The following EXTL1 variants were observed in gnomAD, a reference collection of about 807,000 sequenced individuals.
EXTL1 encodes exostosin-like 1.
EXTL1 carries 43 observed loss-of-function variants against 64.6 expected under a neutral mutation model. That is an observed-to-expected ratio of 0.67 (90% CI 0.52 to 0.86). The LOEUF (loss-of-function observed/expected upper bound fraction) is 0.86. EXTL1 is among the 40% of genes least tolerant of loss of function. The pLI is 0.00. For synonymous variants in EXTL1, 352 were observed against 360.5 expected, an observed-to-expected ratio of 0.98 and a Z score of 0.27; for missense variants, 766 against 879.0, an observed-to-expected ratio of 0.87 and a Z score of 1.62.
Position 26,033,945 on chromosome 1 carries a change from CCA to C in EXTL1, c.1679+90_1679+91del. ...CGAACGGAGCAGAGTGGCCTAGACC[CCA>C]GGGATCCAGGTTCAAGGCCGAGATC... On this transcript the variant is annotated intron_variant, in intron 9 of 10. Coordinates refer to ENST00000374280, the MANE Select transcript of EXTL1 (RefSeq NM_004455.3). This position sits in a 1 kb window ranked among gnomAD's most constrained non-coding sequence, Gnocchi z 5.1. 3 of 1,188,758 alleles carry C rather than the reference CCA, an allele frequency of 2.5e-6. No individual in the cohort carries two copies. Among genetic ancestry groups the C allele is most frequent in the Admixed American group, 3.4e-5 (1 of 29,742 alleles). 73.6% of individuals were successfully genotyped at this position (1,188,758 alleles called of 1,614,324 possible).
Position 26,035,550 on chromosome 1 carries a change from C to G in EXTL1, c.*203C>G. The G allele has an allele frequency of 2.1e-6, 1 of 465,678 alleles. No individual in the cohort carries two copies. Among genetic ancestry groups the G allele is most frequent in the Admixed American group, 3.6e-5 (1 of 28,102 alleles). The allele number at this position is 465,678 out of a possible 1,614,324, so 28.8% of individuals were successfully genotyped here. A position where few individuals can be genotyped will look rare whatever the true frequency, so the allele number is the denominator to read the frequency against. ...CTCGCCCTCAGCCGCGGAGCCTCTG[C>G]GGAGGCTGAGCCCCGCGACCGGAGC... On this transcript the variant is annotated 3_prime_UTR_variant, in exon 11 of 11. Coordinates refer to ENST00000374280, the MANE Select transcript of EXTL1 (RefSeq NM_004455.3). This position sits in a 1 kb window ranked among gnomAD's most constrained non-coding sequence, Gnocchi z 5.3.
rs1395014527 is a variant in EXTL1, at chr1:26,029,425, C to T, written c.873+139C>T. On this transcript the variant is annotated intron_variant, in intron 2 of 10. Transcript: ENST00000374280. ...TCCTGGACTCAGGCATGCCTGTGTCCCCATTCACTGCACCCTCTGCAGAAC... is the reference window on the plus strand; with the variant it reads ...TCCTGGACTCAGGCATGCCTGTGTCTCCATTCACTGCACCCTCTGCAGAAC... 11 of 763,022 alleles carry T rather than the reference C, an allele frequency of 1.4e-5. No homozygotes were observed. In the African/African-American group the frequency reaches 1.9e-4, roughly 13 times the overall value. The allele number at this position is 763,022 out of a possible 1,614,324, so 47.3% of individuals were successfully genotyped here.
At chr1:26,023,873 G>A (rs1003665278) in intron 1 of EXTL1, among the ~76,000 whole-genome samples, 2 of 152,208 alleles carry the variant, frequency 1.3e-5, no homozygotes, top group African/African-American at 4.8e-5. Flanking sequence ...CAGCCGGAAA[G>A]AGCCAGTATT....
rs758986388 is a variant in EXTL1 at position 26,022,999 on chromosome 1, T to C, written c.353T>C (p.Ile118Thr). 2.6e-5 allele frequency: 42 copies of C among 1,614,032 alleles called. No individual in the cohort carries two copies. Among genetic ancestry groups the C allele is most frequent in the East Asian group, 6.7e-5 (3 of 44,878 alleles). The change falls in exon 1 of 11, where the codon ATT (isoleucine) becomes ACT (threonine). Residue 118 changes from isoleucine to threonine, a missense_variant. Physicochemically the swap from Ile to Thr is moderately conservative, Grantham distance 89. Coordinates refer to ENST00000374280, the MANE Select transcript of EXTL1 (RefSeq NM_004455.3). ...ACTCATCGCAGGATCCTGGCTTCCA[T>C]TGAGGGCTCTCGCTTCTACACATTC... Reference protein sequence around the residue: ...SETHRRILASIEGSRFYTFSP... With the variant: ...SETHRRILASTEGSRFYTFSP...
Position 26,029,202 on chromosome 1 carries a change from C to A in EXTL1, c.789C>A (p.Arg263=). Residue 263 remains arginine (R), a synonymous_variant, in exon 2 of 11, where the codon CGC becomes CGA. Coordinates refer to ENST00000374280, the MANE Select transcript of EXTL1 (RefSeq NM_004455.3). ...EQDPGPGQTQ[R]QETLPNATFC... ...CCATGTGCCTCTTTAGGACCCAGCGCCAGGAGACGCTGCCCAATGCCACCT... is the reference window on the plus strand; with the variant it reads ...CCATGTGCCTCTTTAGGACCCAGCGACAGGAGACGCTGCCCAATGCCACCT... 1.2e-6 allele frequency: 2 copies of A among 1,613,298 alleles called. No individual in the cohort carries two copies. Among genetic ancestry groups the A allele is most frequent in the East Asian group, 4.5e-5 (2 of 44,876 alleles).
In EXTL1 at chr1:26,033,368, GC is replaced by G; in HGVS notation, c.1518+56del. ...GTGTGGGTAGACACAGAGCCAGAGG[GC>G]CCTGGCAGCCCCTCAGGTTCCCAGG... is the stretch of plus-strand genomic sequence containing the variant. On this transcript the variant is annotated intron_variant, in intron 8 of 10. Transcript: ENST00000374280. The surrounding 1 kb of genome is among the most constrained non-coding windows in gnomAD (Gnocchi z 5.1). The G allele has an allele frequency of 6.8e-7, 1 of 1,478,366 alleles. No homozygotes were observed. 91.6% of individuals were successfully genotyped at this position (1,478,366 alleles called of 1,614,324 possible).
rs1279218550 is a variant in EXTL1 at position 26,035,160 on chromosome 1, C to G, written c.1849-5C>G. ...CCGTTAATGCATTGCTTCTTTCCCT[C>G]TTAGGCGCCTGGGGGCCCGGGGCCC... is the stretch of plus-strand genomic sequence containing the variant. On this transcript the variant is annotated splice_polypyrimidine_tract_variant and splice_region_variant and intron_variant, in intron 10 of 10. Coordinates refer to ENST00000374280, the MANE Select transcript of EXTL1 (RefSeq NM_004455.3). This position sits in a 1 kb window ranked among gnomAD's most constrained non-coding sequence, Gnocchi z 5.3. 1.2e-6 allele frequency: 2 copies of G among 1,600,080 alleles called. No homozygotes were observed. The highest frequency in any genetic ancestry group is 1.7e-6 in the Non-Finnish European group (2 of 1,172,116).
chr1:26,023,113 G>T lies in EXTL1; in HGVS notation c.467G>T (p.Gly156Val). Reference protein sequence around the residue: ...CSSMPLQWNRGRNHLVLRLHP... With the variant: ...CSSMPLQWNRVRNHLVLRLHP... ...TCAATGCCTCTGCAATGGAACAGGG[G>T]CAGGAACCATCTGGTCCTCCGTCTC... is the stretch of plus-strand genomic sequence containing the variant. Residue 156 changes from glycine to valine, a missense_variant, in exon 1 of 11, where the codon GGC (glycine) becomes GTC (valine). Physicochemically the swap from Gly to Val is moderately radical, Grantham distance 109. Around this residue, in one of 3 missense-constraint regions of EXTL1, gnomAD observed 571 missense variants for 647.6 expected, o/e 0.88. Coordinates refer to ENST00000374280, the MANE Select transcript of EXTL1 (RefSeq NM_004455.3). 1 of 1,613,936 alleles carries T rather than the reference G, an allele frequency of 6.2e-7. No individual in the cohort carries two copies. The highest frequency in any genetic ancestry group is 8.5e-7 in the Non-Finnish European group (1 of 1,179,984).
chr1:26,033,971 T>C lies in EXTL1; in HGVS notation c.1679+115T>C, dbSNP rs1304620136. ...CAGGGATCCAGGTTCAAGGCCGAGA[T>C]CTGCCACTTCCCAGCTGTGGGATCC... On this transcript the variant is annotated intron_variant, in intron 9 of 10. Transcript: ENST00000374280. The surrounding 1 kb of genome is among the most constrained non-coding windows in gnomAD (Gnocchi z 5.1). 7 of 859,596 alleles carry C rather than the reference T, an allele frequency of 8.1e-6. No homozygotes were observed. The highest frequency in any genetic ancestry group is 7.6e-5 in the Admixed American group (2 of 26,428). The allele number at this position is 859,596 out of a possible 1,614,324, so 53.2% of individuals were successfully genotyped here.
intron 1 of EXTL1, 30 bp downstream of exon 1, chr1:26,023,455 A>C (rs2050178975): frequency 1.4e-6 from 2 of 1,424,602 alleles, no homozygotes; most frequent in Non-Finnish European, 1.8e-6. Flanking sequence ...TGGGGGCTGG[A>C]TGGGAGGGGG....
At chr1:26,027,923 T>C (rs2050236852) in intron 1 of EXTL1, among the ~76,000 whole-genome samples, 2 of 152,036 alleles carry the variant, frequency 1.3e-5, no homozygotes, top group African/African-American at 4.8e-5. Flanking sequence ...GGAGAAGGGA[T>C]CTTAAAGGCA....
intron 1 of EXTL1, among the ~76,000 whole-genome samples, chr1:26,027,285 G>A (rs925668278): frequency 1.4e-4 from 21 of 152,310 alleles, no homozygotes; most frequent in Admixed American, 1.2e-3. Flanking sequence ...CTCAAGAGCT[G>A]TGTGACCTCT....
chr1:26,035,720 T>G lies in EXTL1; in HGVS notation c.*373T>G. 1.1e-3 allele frequency: 209 copies of G among 191,032 alleles called. No homozygotes were observed. Among genetic ancestry groups the G allele is most frequent in the East Asian group, 1.6e-3 (13 of 7,952 alleles). The allele number at this position is 191,032 out of a possible 1,614,324, so 11.8% of individuals were successfully genotyped here. On this transcript the variant is annotated 3_prime_UTR_variant, in exon 11 of 11. Coordinates refer to ENST00000374280, the MANE Select transcript of EXTL1 (RefSeq NM_004455.3). The surrounding 1 kb of genome is among the most constrained non-coding windows in gnomAD (Gnocchi z 5.3). Reference sequence around the variant, plus strand: ...TTTCGCAGTCCAGTGTTTGCCGCGGTTCCCGCACGGTCAGGCCCCAGGACT... The same window carrying G: ...TTTCGCAGTCCAGTGTTTGCCGCGGGTCCCGCACGGTCAGGCCCCAGGACT...
intron 1 of EXTL1, among the ~76,000 whole-genome samples, chr1:26,024,535 G>A (rs2050194123): frequency 6.6e-6 from 1 of 152,082 alleles, no homozygotes; most frequent in Admixed American, 6.5e-5. Flanking sequence ...CGTGGGAATG[G>A]GATCCTTCCA....
In EXTL1 at chr1:26,033,659, A is replaced by G; in HGVS notation, c.1519-37A>G. 1 of 1,602,594 alleles carries G rather than the reference A, an allele frequency of 6.2e-7. No individual in the cohort carries two copies. The highest frequency in any genetic ancestry group is 8.5e-7 in the Non-Finnish European group (1 of 1,173,244). ...TCCCTGGATGTTCTAGGCATTTAGG[A>G]GGTCCTTCCTCACAGCTCACTTGAG... On this transcript the variant is annotated intron_variant, in intron 8 of 10. Transcript: ENST00000374280. This position sits in a 1 kb window ranked among gnomAD's most constrained non-coding sequence, Gnocchi z 5.1.
rs904627690 is a variant in EXTL1 at position 26,033,911 on chromosome 1, C to A, written c.1679+55C>A. 1.1e-5 allele frequency: 16 copies of A among 1,522,662 alleles called. No homozygotes were observed. The highest frequency in any genetic ancestry group is 4.0e-5 in the Admixed American group (2 of 50,566). The allele number at this position is 1,522,662 out of a possible 1,614,324, so 94.3% of individuals were successfully genotyped here. A position where few individuals can be genotyped will look rare whatever the true frequency, so the allele number is the denominator to read the frequency against. Reference sequence around the variant, plus strand: ...GAGTATCAGAGGACCAGAGACCCCACCCCCACCCCGAACGGAGCAGAGTGG... The same window carrying A: ...GAGTATCAGAGGACCAGAGACCCCAACCCCACCCCGAACGGAGCAGAGTGG... On this transcript the variant is annotated intron_variant, in intron 9 of 10. Transcript: ENST00000374280. The surrounding 1 kb of genome is among the most constrained non-coding windows in gnomAD (Gnocchi z 5.1).
intron 5 of EXTL1, 36 bp from the exon 6 acceptor site, chr1:26,031,424 C>T (rs1395087919): frequency 2.2e-6 from 3 of 1,385,868 alleles, no homozygotes; most frequent in African/African-American, 2.9e-5. Flanking sequence ...GGTTCTGTTC[C>T]CTCCCACTCT....
chr1:26,022,295 G>T lies in EXTL1; in HGVS notation c.-352G>T. The T allele has an allele frequency of 4.4e-6, 1 of 228,998 alleles. No individual in the cohort carries two copies. 14.2% of individuals were successfully genotyped at this position (228,998 alleles called of 1,614,324 possible). A position where few individuals can be genotyped will look rare whatever the true frequency, so the allele number is the denominator to read the frequency against. On this transcript the variant is annotated 5_prime_UTR_variant, in exon 1 of 11. Transcript: ENST00000374280. Reference sequence around the variant, plus strand: ...CAGGAGGGCAGGGGGACACGGCCCTGCATTCTGGACAGGGGTTGCGTCAGC... The same window carrying T: ...CAGGAGGGCAGGGGGACACGGCCCTTCATTCTGGACAGGGGTTGCGTCAGC...
chr1:26,024,511 G>A (rs967948513), intron 1 of EXTL1, among the ~76,000 whole-genome samples: 2 of 152,010 alleles, frequency 1.3e-5, no homozygotes, highest in Non-Finnish European at 2.9e-5. Flanking sequence ...GACTTCTCTC[G>A]GCCAAAGGGC....
Sources: allele counts gnomAD v4.1 joint callset (sites outside exome capture counted in the v4.1 genomes callset), GRCh38; gene constraint gnomAD v4.1.1; regional missense constraint gnomAD v4.1.1; non-coding constraint Gnocchi (gnomAD v3.1); transcripts MANE v1.5; gene names NCBI Gene and HGNC (gene_info 2026-07-23, HGNC 2026-07-21).